NBPF12: variants seen among roughly 807,000 people sequenced by gnomAD.
The protein encoded by NBPF12 is NBPF member 12.
In NBPF12, 115 loss-of-function variants were observed where a neutral mutation model predicts 146.4. That is an observed-to-expected ratio of 0.79 (90% confidence interval 0.68 to 0.92). The LOEUF is 0.92. NBPF12 is among the 40% of genes least tolerant of loss of function. The pLI is 0.00. For missense variants in NBPF12, 1,205 were observed against 1,326.8 expected (o/e 0.91, Z 1.43); for synonymous variants, 385 against 508.9 (o/e 0.76, Z 3.28).
chr1:146,961,121 G>C, intron 4 of NBPF12, among the ~76,000 whole-genome samples: 1 of 152,052 alleles, frequency 6.6e-6, no homozygotes. Flanking sequence ...ACTCCAGCAT[G>C]GGTGACAGGG....
intron 2 of NBPF12, among the ~76,000 whole-genome samples, chr1:146,954,989 T>TC (rs1655514150): frequency 1.7e-5 from 1 of 59,966 alleles, no homozygotes; most frequent in Non-Finnish European, 3.0e-5. Context: ...TATATATATA[T>TC]ATATATATAT....
chr1:146,962,407 A>G (rs2101848552), intron 5 of NBPF12, 144 bp downstream of exon 8: 3 of 687,844 alleles, frequency 4.4e-6, no homozygotes, highest in East Asian at 5.0e-5. Context: ...ACAAATATTT[A>G]TCAGAGAACA....
chr1:146,964,552 A>G, intron 7 of NBPF12, 123 bp downstream of exon 10: 4 of 1,525,282 alleles, frequency 2.6e-6, no homozygotes, highest in South Asian at 1.1e-5. Flanking sequence ...AGTATGTGAA[A>G]TTCAACCCAG....
chr1:146,944,478 C>G (rs1654932728), upstream of NBPF12, among the ~76,000 whole-genome samples: 1 of 147,214 alleles, frequency 6.8e-6, no homozygotes, highest in South Asian at 2.2e-4. Context: ...CCACCTGCAG[C>G]CGGGCAGCTT....
chr1:146,994,901 A>T (rs1265129506), exon 34 of NBPF12: 59 of 428,962 alleles, frequency 1.4e-4, no homozygotes, highest in South Asian at 1.3e-3. Flanking sequence ...CTGAGCTTCT[A>T]TACCTACTCA....
At position 146,971,372 on chromosome 1, in the gene NBPF12, G is replaced by A. The variant is rs1553886433; in HGVS notation, c.1569G>A (p.Gln523=). The change falls in exon 13 of 34, where the codon CAG becomes CAA. Residue 523 remains glutamine (Q), a synonymous_variant. Coordinates refer to ENST00000617844, the Ensembl canonical transcript of NBPF12. ...GAGAATCCTCTCATGATGAATGTCAGGATGCTCTAAACATTCTCCCAGGTA... is the reference window on the plus strand; with the variant it reads ...GAGAATCCTCTCATGATGAATGTCAAGATGCTCTAAACATTCTCCCAGGTA... 1.2e-3 allele frequency: 1,854 copies of A among 1,611,122 alleles called. 81 individuals carry two copies. The African/African-American group carries it at 0.021, about 18-fold the overall frequency.
At chr1:146,966,422 C>G (rs1378355207) in intron 8 of NBPF12, 42 bp from the exon 12 acceptor site, 1 of 1,340,612 alleles carries the variant, frequency 7.5e-7, no homozygotes, top group African/African-American at 1.5e-5. Context: ...CTTGATTTCA[C>G]CAGTTTTTAA....
chr1:146,939,828 A>G (rs1226139324), intron 1 of NBPF12, among the ~76,000 whole-genome samples: 1 of 151,814 alleles, frequency 6.6e-6, no homozygotes, highest in Non-Finnish European at 1.5e-5. Context: ...CTGAAAATAC[A>G]AAAAATTAGC....
chr1:146,940,050 TC>T (rs1284202527), intron 1 of NBPF12, among the ~76,000 whole-genome samples: 1 of 152,042 alleles, frequency 6.6e-6, no homozygotes, highest in Non-Finnish European at 1.5e-5. Context: ...GTTCATCCTT[TC>T]TTTGCCGAAA....
rs1412712855 is a variant in NBPF12 at position 146,970,279 on chromosome 1, GA to G, written c.1307-365del. Among the ~76,000 whole-genome samples, 171 of 150,752 alleles carry G rather than the reference GA, an allele frequency of 1.1e-3. 5 individuals carry two copies. The highest frequency in any genetic ancestry group is 4.0e-3 in the African/African-American group (161 of 40,460). ...GGGACAAGTTTGTCCTCTCCTAAGA[GA>G]AAGAATGAGGTTTGAAATGCGAACT... is the stretch of plus-strand genomic sequence containing the variant. On this transcript the variant is annotated intron_variant, in intron 11 of 33. Transcript: ENST00000617844.
At position 146,970,644 on chromosome 1, in the gene NBPF12, T is replaced by C. The variant is rs1270482878; in HGVS notation, c.1307-3T>C. ...TATCTGAACGAACATTTTGTATTTA[T>C]AGAAAATGATGAAGATGAGGATGAA... On this transcript the variant is annotated splice_polypyrimidine_tract_variant and splice_region_variant and intron_variant, in intron 11 of 33. Coordinates refer to ENST00000617844, the Ensembl canonical transcript of NBPF12. 58 of 1,533,800 alleles carry C rather than the reference T, an allele frequency of 3.8e-5. 1 individual carries two copies. Among genetic ancestry groups the C allele is most frequent in the Non-Finnish European group, 5.0e-5 (55 of 1,110,484 alleles).
chr1:146,971,354 C>T, exon 13 of NBPF12: 4 of 1,611,616 alleles, frequency 2.5e-6, no homozygotes, highest in South Asian at 1.1e-5. Context: ...ACAGAGAATC[C>T]TCTCATGATG....
intron 11 of NBPF12, among the ~76,000 whole-genome samples, chr1:146,970,113 G>A (rs1433416771): frequency 6.6e-6 from 1 of 150,568 alleles, no homozygotes; most frequent in Non-Finnish European, 1.5e-5. Context: ...GTGTGGTGTT[G>A]GGGAAGGCAC....
upstream of NBPF12, among the ~76,000 whole-genome samples, chr1:146,947,226 T>C (rs1473300046): frequency 6.6e-6 from 1 of 151,870 alleles, no homozygotes; most frequent in African/African-American, 2.4e-5. Flanking sequence ...GAGTTTTTAA[T>C]GTTCTAGCCA....
Position 146,983,017 on chromosome 1 carries a change from C to T in NBPF12, c.2540C>T (p.Ala847Val), listed in dbSNP as rs1294656183. The change falls in exon 20 of 34, where the codon GCC becomes GTC. Residue 847 changes from alanine to valine, a missense_variant. Physicochemically the swap from Ala to Val is moderately conservative, Grantham distance 64. This residue lies in a region of NBPF12 where 49 missense variants were observed against 49.9 expected (regional missense o/e 0.98). Transcript: ENST00000617844. ...CTCTCAATTCCTCCTGAAAGGTTGGCCTCATACCAGTCTTACAGCAGCACA... is the reference window on the plus strand; with the variant it reads ...CTCTCAATTCCTCCTGAAAGGTTGGTCTCATACCAGTCTTACAGCAGCACA... 53 of 1,609,308 alleles carry T rather than the reference C, an allele frequency of 3.3e-5. No homozygotes were observed. The South Asian group carries it at 4.3e-4, about 13-fold the overall frequency.
At chr1:146,967,834 A>G (rs1353799248) in intron 9 of NBPF12, among the ~76,000 whole-genome samples, 3 of 150,822 alleles carry the variant, frequency 2.0e-5, no homozygotes, top group Non-Finnish European at 4.4e-5. Flanking sequence ...AGTAAACACT[A>G]TTAGTTCTTC....
At position 146,989,265 on chromosome 1, in the gene NBPF12, G is replaced by A. The variant is rs1334240367; in HGVS notation, c.3399-309G>A. On this transcript the variant is annotated intron_variant, in intron 27 of 33. Coordinates refer to ENST00000617844, the Ensembl canonical transcript of NBPF12. ...ATCACAGTTTGCTGTGTGTCATGAGGGCACTAACTCAGAGTGTCCTTTGAC... is the reference window on the plus strand; with the variant it reads ...ATCACAGTTTGCTGTGTGTCATGAGAGCACTAACTCAGAGTGTCCTTTGAC... Among the ~76,000 whole-genome samples, 786 of 142,252 alleles carry A rather than the reference G, an allele frequency of 5.5e-3. 14 individuals carry two copies. The highest frequency in any genetic ancestry group is 0.02 in the African/African-American group (751 of 38,064). 93.3% of individuals were successfully genotyped at this position (142,252 alleles called of 152,430 possible).
In NBPF12 at chr1:146,957,838, T is replaced by C. The variant is rs1448082324; in HGVS notation, c.-183-2021T>C. Among the ~76,000 whole-genome samples the C allele has an allele frequency of 3.9e-4, 30 of 76,976 alleles. 2 individuals are homozygous for C. Among genetic ancestry groups the C allele is most frequent in the East Asian group, 3.4e-3 (6 of 1,768 alleles). The allele number at this position is 76,976 out of a possible 152,430, so 50.5% of individuals were successfully genotyped here. On this transcript the variant is annotated intron_variant, in intron 2 of 33. Transcript: ENST00000617844. The stretch of plus-strand genomic sequence containing the variant: ...CGCCACTTAAAAAAGAAAAAAAAAA[T>C]ATAATATATATATATATACACGTGT...
chr1:146,963,381 T>C (rs1462102863), intron 6 of NBPF12, 72 bp downstream of exon 9: 162,659 of 1,458,524 alleles, frequency 0.11, 14,411 homozygotes, highest in Admixed American at 0.3. Flanking sequence ...CATACTTTCA[T>C]GATGACAGTT....
Sources: gnomAD v4.1 joint callset for allele counts (sites outside exome capture counted in the v4.1 genomes callset) on GRCh38, gnomAD v4.1.1 for gene constraint, gnomAD v4.1.1 regional missense constraint, MANE v1.5 for transcripts, NCBI Gene and HGNC (gene_info 2026-07-23, HGNC 2026-07-21) for gene names.